The following INTS8 variants were observed in gnomAD, a reference collection of about 807,000 sequenced individuals.
The protein encoded by INTS8 is protein kaonashi-1.
A neutral mutation model predicts 138.9 loss-of-function variants in INTS8; 47 were observed. The ratio of observed to expected loss-of-function variants is 0.34; its 90% CI spans 0.27 to 0.43. INTS8 has a LOEUF of 0.43. INTS8 is among the 20% of genes least tolerant of loss of function. The pLI is 1.00. For synonymous variants in INTS8, 392 were observed against 400.9 expected (o/e 0.98, Z 0.27); for missense variants, 996 against 1,173.0 (o/e 0.85, Z 2.20).
At chr8:94,862,395 C>T (rs1816024444) in intron 16 of INTS8, among the ~76,000 whole-genome samples, 1 of 152,202 alleles carries the variant, frequency 6.6e-6, no homozygotes. Context: ...TTTACACTTA[C>T]AATCATAGCT....
intron 26 of INTS8, 179 bp downstream of exon 26, chr8:94,876,668 A>G (rs1816576741): frequency 8.0e-6 from 4 of 497,074 alleles, no homozygotes; most frequent in South Asian, 3.5e-5. Context: ...GTCATTATAT[A>G]TTATTTTAAA....
chr8:94,845,061 C>T (rs925227145), intron 10 of INTS8, among the ~76,000 whole-genome samples: 5 of 152,056 alleles, frequency 3.3e-5, no homozygotes, highest in Non-Finnish European at 5.9e-5. Flanking sequence ...GCTTAGTTTT[C>T]TTTATATTGT....
chr8:94,847,239 AC>A (rs902080887), intron 10 of INTS8, among the ~76,000 whole-genome samples: 4 of 151,922 alleles, frequency 2.6e-5, no homozygotes, highest in African/African-American at 9.7e-5. Context: ...ACGGGGTTTT[AC>A]CATGTTGGCT....
intron 6 of INTS8, among the ~76,000 whole-genome samples, chr8:94,834,492 G>T (rs1814850440): frequency 6.6e-6 from 1 of 151,912 alleles, no homozygotes; most frequent in Non-Finnish European, 1.5e-5. Context: ...CGGATCACCT[G>T]AGGTCAGAAG....
chr8:94,874,593 C>A lies in INTS8; in HGVS notation c.2679C>A (p.Cys893Ter). 1 of 1,570,088 alleles carries A rather than the reference C, an allele frequency of 6.4e-7. No homozygotes were observed. Among genetic ancestry groups the A allele is most frequent in the Non-Finnish European group, 8.8e-7 (1 of 1,140,730 alleles). The change falls in exon 23 of 27, where the codon TGC becomes TGA. Residue 893 changes from cysteine (C) to a stop codon, truncating the protein, a stop_gained. Coordinates refer to ENST00000523731, the MANE Select transcript of INTS8 (RefSeq NM_017864.4). LOFTEE classifies it high-confidence loss of function. ...TAAAATGTTGTTCTTTGCTGAATTGCCACACACAGGTTAGTTTATAATATT... is the reference window on the plus strand; with the variant it reads ...TAAAATGTTGTTCTTTGCTGAATTGACACACACAGGTTAGTTTATAATATT... ...RMIKCCSLLN[C>*]HTQVAILCQF...
intron 10 of INTS8, among the ~76,000 whole-genome samples, chr8:94,844,778 G>C (rs138443404): frequency 6.9e-6 from 1 of 144,132 alleles, no homozygotes; most frequent in African/African-American, 2.6e-5. Context: ...TGTTTGAGAC[G>C]GGTCTCACTC....
Position 94,881,590 on chromosome 8 carries a change from C to T in INTS8, c.*1356C>T, listed in dbSNP as rs563657635. On this transcript the variant is annotated 3_prime_UTR_variant, in exon 27 of 27. Coordinates refer to ENST00000523731, the MANE Select transcript of INTS8 (RefSeq NM_017864.4). ...AGTAGTTCAGTGATACCAGTTCTAC[C>T]CAATCTTGGTGAATTCCAACTTGTT... 1 of 1,603,858 alleles carries T rather than the reference C, an allele frequency of 6.2e-7. No individual in the cohort carries two copies. The highest frequency in any genetic ancestry group is 8.5e-7 in the Non-Finnish European group (1 of 1,174,666).
intron 16 of INTS8, among the ~76,000 whole-genome samples, chr8:94,864,536 C>T (rs948315785): frequency 8.6e-5 from 13 of 151,974 alleles, no homozygotes; most frequent in African/African-American, 2.4e-4. Flanking sequence ...GGTGAAACCC[C>T]GTCTCTACTA....
chr8:94,874,090 C>T (rs1816494307), intron 22 of INTS8, among the ~76,000 whole-genome samples: 2 of 152,190 alleles, frequency 1.3e-5, no homozygotes, highest in African/African-American at 4.8e-5. Flanking sequence ...AATCTACTCT[C>T]AGCAATTTTT....
rs1354851965 is a variant in INTS8, at chr8:94,873,278, TTTG to T, written c.2534-93_2534-91del. The T allele has an allele frequency of 7.1e-6, 6 of 848,542 alleles. No homozygotes were observed. The African/African-American group carries it at 1.0e-4, about 14-fold the overall frequency. 52.6% of individuals were successfully genotyped at this position (848,542 alleles called of 1,614,324 possible). Reference sequence around the variant, plus strand: ...TCTAGTTCTGTGGTTTGAATCTGCTTTTGTTAACTTATGAAGTTACACCTGACT... The same window carrying T: ...TCTAGTTCTGTGGTTTGAATCTGCTTTTAACTTATGAAGTTACACCTGACT... On this transcript the variant is annotated intron_variant, in intron 21 of 26. Coordinates refer to ENST00000523731, the MANE Select transcript of INTS8 (RefSeq NM_017864.4).
chr8:94,849,451 C>G lies in INTS8; in HGVS notation c.1261-11C>G, dbSNP rs1586494769. On this transcript the variant is annotated splice_polypyrimidine_tract_variant and intron_variant, in intron 10 of 26. Coordinates refer to ENST00000523731, the MANE Select transcript of INTS8 (RefSeq NM_017864.4). The stretch of plus-strand genomic sequence containing the variant: ...TACCCATATTCAAATGAAAATTACT[C>G]AAATTCCTAGGTATGTTCAAGATCA... 1.4e-6 allele frequency: 2 copies of G among 1,392,480 alleles called. No individual in the cohort carries two copies. Among genetic ancestry groups the G allele is most frequent in the Non-Finnish European group, 2.0e-6 (2 of 1,005,956 alleles). The allele number at this position is 1,392,480 out of a possible 1,614,324, so 86.3% of individuals were successfully genotyped here. A position where few individuals can be genotyped will look rare whatever the true frequency, so the allele number is the denominator to read the frequency against.
At chr8:94,861,402 C>G (rs1815975348) in intron 16 of INTS8, among the ~76,000 whole-genome samples, 1 of 151,336 alleles carries the variant, frequency 6.6e-6, no homozygotes, top group Non-Finnish European at 1.5e-5. Context: ...GCTGGGACTA[C>G]AGGCGCCCAC....
chr8:94,833,018 ATC>A (rs959420930), intron 6 of INTS8, among the ~76,000 whole-genome samples: 20 of 148,092 alleles, frequency 1.4e-4, no homozygotes, highest in East Asian at 5.9e-4. Flanking sequence ...ACTCTTTGAC[ATC>A]TCTCTCTCTC....
At chr8:94,865,783 A>G in intron 17 of INTS8, 93 bp downstream of exon 17, 1 of 1,132,062 alleles carries the variant, frequency 8.8e-7, no homozygotes, top group Admixed American at 2.0e-5. Flanking sequence ...TTTCAAGAAC[A>G]TCAGCTTTTA....
intron 18 of INTS8, 171 bp from the exon 19 acceptor site, chr8:94,866,968 AC>A (rs1816200309): frequency 1.8e-6 from 1 of 564,246 alleles, no homozygotes; most frequent in African/African-American, 1.9e-5. Flanking sequence ...CCCCGCCCCC[AC>A]ATGCGATTAA....
chr8:94,876,149 T>C lies in INTS8; in HGVS notation c.2762+2T>C. The C allele has an allele frequency of 6.2e-7, 1 of 1,607,506 alleles. No homozygotes were observed. On this transcript the variant is annotated splice_donor_variant, in intron 24 of 26. Coordinates refer to ENST00000523731, the MANE Select transcript of INTS8 (RefSeq NM_017864.4). LOFTEE classifies it high-confidence loss of function. ...TAAATCTCTGCAAGAACAAAACAGG[T>C]ATGAATAATATTTTAAAAATAATGA...
At chr8:94,848,616 T>A (rs904697998) in intron 10 of INTS8, among the ~76,000 whole-genome samples, 1 of 152,230 alleles carries the variant, frequency 6.6e-6, no homozygotes, top group South Asian at 2.1e-4. Flanking sequence ...CTTAGCACGT[T>A]TTCAATATTG....
At chr8:94,873,344 T>G in intron 21 of INTS8, 30 bp from the exon 22 acceptor site, 1 of 1,473,636 alleles carries the variant, frequency 6.8e-7, no homozygotes, top group Non-Finnish European at 9.5e-7. Flanking sequence ...CTGTTACCTC[T>G]AATGCTTTAT....
chr8:94,868,382 A>G (rs1160423738), intron 20 of INTS8, among the ~76,000 whole-genome samples: 2 of 152,220 alleles, frequency 1.3e-5, no homozygotes, highest in African/African-American at 4.8e-5. Context: ...ACAAGCTGAT[A>G]ATAGAATAAT....
Sources: gnomAD v4.1 joint callset for allele counts (sites outside exome capture counted in the v4.1 genomes callset) on GRCh38, gnomAD v4.1.1 for gene constraint, MANE v1.5 for transcripts, NCBI Gene and HGNC (gene_info 2026-07-23, HGNC 2026-07-21) for gene names.